Variants in WDR70 observed in about 807,000 individuals in gnomAD.
WDR70 encodes the protein WD repeat domain 70.
WDR70 carries 53 observed loss-of-function variants against 88.6 expected under a neutral mutation model. The ratio of observed to expected loss-of-function variants is 0.60; its 90% CI spans 0.48 to 0.75. WDR70 has a LOEUF of 0.75. Among genes scored for constraint, WDR70 ranks in the 30% least tolerant of loss-of-function variants. The probability of loss-of-function intolerance (pLI) is 0.00; values close to 1 mark genes in which losing one functional copy is unlikely to be tolerated. For missense variants in WDR70, 610 were observed against 823.2 expected (o/e 0.74, Z 3.17); for synonymous variants, 280 against 270.0 (o/e 1.04, Z -0.36).
At chr5:37,702,858 A>C in intron 12 of WDR70, 91 bp from the exon 13 acceptor site, 1 of 1,352,256 alleles carries the variant, frequency 7.4e-7, no homozygotes, top group Non-Finnish European at 1.0e-6. Flanking sequence ...TAGGAGTTAC[A>C]GAGATGTTTA....
At chr5:37,562,314 C>G (rs1452490502) in intron 9 of WDR70, among the ~76,000 whole-genome samples, 1 of 152,080 alleles carries the variant, frequency 6.6e-6, no homozygotes, top group African/African-American at 2.4e-5. Flanking sequence ...CAAGATAACA[C>G]CATTGTGCTC....
intron 9 of WDR70, among the ~76,000 whole-genome samples, chr5:37,561,111 C>T (rs1406478939): frequency 8.5e-5 from 13 of 152,134 alleles, no homozygotes; most frequent in Non-Finnish European, 1.9e-4. Flanking sequence ...AAGCAGTCTA[C>T]TATACATACT....
intron 3 of WDR70, among the ~76,000 whole-genome samples, chr5:37,383,808 C>T (rs1443578928): frequency 2.0e-5 from 3 of 149,806 alleles, no homozygotes; most frequent in Non-Finnish European, 4.4e-5. Context: ...TGGTCTCGAT[C>T]TCCTGACCTC....
chr5:37,748,216 A>G (rs966351754), intron 17 of WDR70, among the ~76,000 whole-genome samples: 1 of 152,260 alleles, frequency 6.6e-6, no homozygotes, highest in African/African-American at 2.4e-5. Context: ...AGCTAGAGGC[A>G]TCACGTTACC....
intron 9 of WDR70, among the ~76,000 whole-genome samples, chr5:37,575,607 G>T (rs1743029465): frequency 6.6e-6 from 1 of 152,210 alleles, no homozygotes; most frequent in Non-Finnish European, 1.5e-5. Flanking sequence ...CCACATGCCA[G>T]GAGCCTACCC....
intron 7 of WDR70, among the ~76,000 whole-genome samples, chr5:37,464,200 T>G (rs2112112900): frequency 6.6e-6 from 1 of 152,270 alleles, no homozygotes; most frequent in Admixed American, 6.5e-5. Context: ...CTGGAGAAAA[T>G]TACACTTCCC....
intron 13 of WDR70, among the ~76,000 whole-genome samples, chr5:37,708,802 T>C (rs1747430272): frequency 6.6e-6 from 1 of 152,214 alleles, no homozygotes; most frequent in Non-Finnish European, 1.5e-5. Flanking sequence ...GGCTTTGGAA[T>C]GTATCTTTGT....
chr5:37,563,460 G>A lies in WDR70; in HGVS notation c.918-41604G>A, dbSNP rs867285020. 6.0e-4 allele frequency among the ~76,000 whole-genome samples: 34 copies of A among 56,560 alleles called. 1 individual carries two copies. Among genetic ancestry groups the A allele is most frequent in the African/African-American group, 1.9e-3 (34 of 17,738 alleles). 37.1% of individuals were successfully genotyped at this position (56,560 alleles called of 152,430 possible). A position where few individuals can be genotyped will look rare whatever the true frequency, so the allele number is the denominator to read the frequency against. ...CCCCCACATCCTTCCCGGACGGGGC[G>A]GCTGGCCGGGCAGAGGGGCTCCTCA... is the stretch of plus-strand genomic sequence containing the variant. On this transcript the variant is annotated intron_variant, in intron 9 of 17. Transcript: ENST00000265107.
intron 9 of WDR70, among the ~76,000 whole-genome samples, chr5:37,590,002 G>A (rs918408818): frequency 5.3e-5 from 8 of 152,178 alleles, no homozygotes; most frequent in Non-Finnish European, 1.2e-4. Flanking sequence ...TTTTGGCTGA[G>A]AAGAATATTG....
At chr5:37,647,843 C>T (rs757155600) in intron 10 of WDR70, among the ~76,000 whole-genome samples, 1 of 152,186 alleles carries the variant, frequency 6.6e-6, no homozygotes, top group Non-Finnish European at 1.5e-5. Flanking sequence ...CTTGGTCAGA[C>T]CTGAAGCCAG....
intron 10 of WDR70, among the ~76,000 whole-genome samples, chr5:37,690,777 G>A (rs558978484): frequency 2.8e-4 from 42 of 152,236 alleles, no homozygotes; most frequent in Non-Finnish European, 5.0e-4. Flanking sequence ...AAAGACCATC[G>A]ATGCTATGAA....
intron 8 of WDR70, among the ~76,000 whole-genome samples, chr5:37,480,745 A>G (rs1005264612): frequency 1.3e-5 from 2 of 152,114 alleles, no homozygotes; most frequent in Non-Finnish European, 2.9e-5. Context: ...CCGAAATCTC[A>G]TGTCCTCACA....
chr5:37,394,390 T>A (rs1748945170), intron 4 of WDR70, among the ~76,000 whole-genome samples: 2 of 152,160 alleles, frequency 1.3e-5, no homozygotes, highest in South Asian at 2.1e-4. Context: ...AATATAAATT[T>A]GTTTAGTCAT....
At chr5:37,656,351 C>T (rs948993020) in intron 10 of WDR70, among the ~76,000 whole-genome samples, 1 of 152,206 alleles carries the variant, frequency 6.6e-6, no homozygotes, top group Non-Finnish European at 1.5e-5. Context: ...CAGATGCCAG[C>T]TGGAGCTCTC....
chr5:37,499,590 TCTC>T lies in WDR70; in HGVS notation c.841-16923_841-16921del, dbSNP rs1740337341. ...TTAAATATGTGATTTGGAAATATTC[TCTC>T]TCTCTCTCTCTCTCTCTCTCTCTCT... On this transcript the variant is annotated intron_variant, in intron 8 of 17. Transcript: ENST00000265107. Among the ~76,000 whole-genome samples, 274 of 134,562 alleles carry T rather than the reference TCTC, an allele frequency of 2.0e-3. 7 individuals are homozygous for T. Among genetic ancestry groups the T allele is most frequent in the African/African-American group, 3.6e-3 (131 of 36,056 alleles). 88.3% of individuals were successfully genotyped at this position (134,562 alleles called of 152,430 possible).
chr5:37,668,593 CTAAAG>C (rs1745930838), intron 10 of WDR70, among the ~76,000 whole-genome samples: 1 of 152,128 alleles, frequency 6.6e-6, no homozygotes. Flanking sequence ...GTTTTATAGA[CTAAAG>C]TAAACACCTT....
At chr5:37,440,131 T>A (rs1398635399) in intron 6 of WDR70, among the ~76,000 whole-genome samples, 2 of 152,202 alleles carry the variant, frequency 1.3e-5, no homozygotes, top group East Asian at 3.8e-4. Context: ...ATCATCATGT[T>A]TATTTTTTAT....
At chr5:37,431,893 C>G (rs1750315203) in intron 5 of WDR70, among the ~76,000 whole-genome samples, 1 of 152,134 alleles carries the variant, frequency 6.6e-6, no homozygotes, top group East Asian at 1.9e-4. Context: ...AATTTTCTTT[C>G]TTTTAAGACG....
intron 7 of WDR70, among the ~76,000 whole-genome samples, chr5:37,459,426 C>G (rs1156657780): frequency 6.7e-6 from 1 of 149,660 alleles, no homozygotes; most frequent in Non-Finnish European, 1.5e-5. Flanking sequence ...CTGAGAAAAA[C>G]AAGCAATGGG....
Sources: allele counts gnomAD v4.1 joint callset (sites outside exome capture counted in the v4.1 genomes callset), GRCh38; gene constraint gnomAD v4.1.1; transcripts MANE v1.5; gene names NCBI Gene and HGNC (gene_info 2026-07-23, HGNC 2026-07-21).